PTPRO: variants seen among roughly 807,000 people sequenced by gnomAD.
PTPRO encodes protein tyrosine phosphatase receptor type O, also known as receptor-type tyrosine-protein phosphatase O.
Under a neutral mutation model 145.2 loss-of-function variants are expected in PTPRO, and 62 were observed. The ratio of observed to expected loss-of-function variants is 0.43; its 90% CI spans 0.35 to 0.53. The LOEUF (loss-of-function observed/expected upper bound fraction) is 0.53. Among genes scored for constraint, PTPRO ranks in the 20% least tolerant of loss-of-function variants. PTPRO has a pLI of 0.01. For missense variants in PTPRO, 1,345 were observed against 1,482.7 expected (o/e 0.91, Z 1.53); for synonymous variants, 565 against 514.7 (o/e 1.10, Z -1.32).
intron 1 of PTPRO, among the ~76,000 whole-genome samples, chr12:15,388,624 G>T (rs752762330): frequency 1.1e-4 from 17 of 152,130 alleles, no homozygotes; most frequent in Admixed American, 2.6e-4. Flanking sequence ...CACCATGTGG[G>T]TATTTTTTAT....
chr12:15,528,914 T>C (rs542777157), intron 12 of PTPRO, among the ~76,000 whole-genome samples: 7 of 152,112 alleles, frequency 4.6e-5, no homozygotes, highest in East Asian at 1.9e-4. Flanking sequence ...TCCAGCAAAA[T>C]TGTCCTTCAA....
Position 15,475,735 on chromosome 12 carries a change from A to C in PTPRO, c.76-8239A>C, listed in dbSNP as rs111456032. ...AGGATTCCCCATTCACTAAGCATTT[A>C]ATGAATAAACAGCCACTGACCACCA... On this transcript the variant is annotated intron_variant, in intron 1 of 26. Coordinates refer to ENST00000281171, the MANE Select transcript of PTPRO (RefSeq NM_030667.3). 5.1e-3 allele frequency among the ~76,000 whole-genome samples: 784 copies of C among 152,312 alleles called. 5 individuals carry two copies. The highest frequency in any genetic ancestry group is 0.017 in the African/African-American group (726 of 41,568).
At chr12:15,554,171 A>C (rs965424925) in intron 15 of PTPRO, among the ~76,000 whole-genome samples, 8 of 152,124 alleles carry the variant, frequency 5.3e-5, no homozygotes, top group Non-Finnish European at 1.0e-4. Flanking sequence ...GTGAAACTCC[A>C]TCTCAAAAAA....
chr12:15,440,667 C>G (rs1241863479), intron 1 of PTPRO, among the ~76,000 whole-genome samples: 1 of 152,050 alleles, frequency 6.6e-6, no homozygotes, highest in East Asian at 1.9e-4. Context: ...TCAAAACAAG[C>G]CTGGACAACA....
chr12:15,447,636 T>C (rs914205424), intron 1 of PTPRO, among the ~76,000 whole-genome samples: 1 of 152,182 alleles, frequency 6.6e-6, no homozygotes, highest in African/African-American at 2.4e-5. Context: ...GATGGATGCA[T>C]TCAAACATAG....
intron 25 of PTPRO, among the ~76,000 whole-genome samples, chr12:15,593,660 A>G (rs1001120694): frequency 2.4e-4 from 37 of 152,188 alleles, no homozygotes; most frequent in African/African-American, 8.2e-4. Flanking sequence ...ACTATTGCAT[A>G]CTTAAACCAA....
At chr12:15,505,786 C>T (rs1302554347) in intron 6 of PTPRO, among the ~76,000 whole-genome samples, 2 of 152,172 alleles carry the variant, frequency 1.3e-5, no homozygotes, top group African/African-American at 4.8e-5. Context: ...TTTTTCCTGA[C>T]CAAACTGTTT....
chr12:15,523,995 T>C (rs1942783002), intron 10 of PTPRO, among the ~76,000 whole-genome samples: 1 of 151,726 alleles, frequency 6.6e-6, no homozygotes, highest in Admixed American at 6.6e-5. Flanking sequence ...GATGGGGTTT[T>C]GCTATGTTGC....
At chr12:15,562,381 GAAC>G (rs1388845757) in intron 17 of PTPRO, among the ~76,000 whole-genome samples, 1 of 152,004 alleles carries the variant, frequency 6.6e-6, no homozygotes, top group African/African-American at 2.4e-5. Flanking sequence ...CCTACCCTGT[GAAC>G]AACAGCTGCA....
intron 25 of PTPRO, among the ~76,000 whole-genome samples, chr12:15,594,704 GA>G (rs1318125549): frequency 2.6e-5 from 4 of 151,738 alleles, no homozygotes; most frequent in Non-Finnish European, 4.4e-5. Context: ...AAAGTTAGGG[GA>G]AAAAAATTCC....
At chr12:15,360,544 A>G (rs1352453326) in intron 1 of PTPRO, among the ~76,000 whole-genome samples, 1 of 151,994 alleles carries the variant, frequency 6.6e-6, no homozygotes, top group East Asian at 1.9e-4. Flanking sequence ...GGGACTCAGC[A>G]CCCAAGTACG....
intron 1 of PTPRO, among the ~76,000 whole-genome samples, chr12:15,459,348 T>G (rs1008586957): frequency 6.6e-6 from 1 of 152,190 alleles, no homozygotes; most frequent in African/African-American, 2.4e-5. Flanking sequence ...TCATTTGCAC[T>G]CTGAGACAGG....
chr12:15,357,156 G>A (rs1181458175), intron 1 of PTPRO, among the ~76,000 whole-genome samples: 1 of 152,248 alleles, frequency 6.6e-6, no homozygotes, highest in Non-Finnish European at 1.5e-5. Flanking sequence ...CAGCTCTGCT[G>A]CTGAAATACA....
chr12:15,528,700 A>C (rs1449810406), intron 12 of PTPRO, among the ~76,000 whole-genome samples: 1 of 152,068 alleles, frequency 6.6e-6, no homozygotes, highest in East Asian at 1.9e-4. Context: ...AACAGATACC[A>C]CTCAAATAAA....
chr12:15,456,017 G>A (rs140500298), intron 1 of PTPRO, among the ~76,000 whole-genome samples: 4 of 152,232 alleles, frequency 2.6e-5, no homozygotes, highest in East Asian at 1.9e-4. Context: ...TAAAAAGAAG[G>A]GTGGTAAAAG....
chr12:15,471,992 T>C (rs1050229082), intron 1 of PTPRO, among the ~76,000 whole-genome samples: 5 of 152,198 alleles, frequency 3.3e-5, no homozygotes, highest in African/African-American at 4.8e-5. Flanking sequence ...ACAGGATGTT[T>C]AGTGGATGCA....
chr12:15,517,129 CA>C, intron 9 of PTPRO, 173 bp downstream of exon 9: 1 of 714,982 alleles, frequency 1.4e-6, no homozygotes, highest in Non-Finnish European at 2.4e-6. Flanking sequence ...GAGCAATTTA[CA>C]AAAGAAAGAA....
chr12:15,380,585 T>C (rs1008781551), intron 1 of PTPRO, among the ~76,000 whole-genome samples: 1 of 152,142 alleles, frequency 6.6e-6, no homozygotes, highest in Non-Finnish European at 1.5e-5. Context: ...CATTTGCTTG[T>C]TCAGAAAAAT....
chr12:15,579,986 A>T, intron 20 of PTPRO, 53 bp from the exon 21 acceptor site: 2 of 1,440,596 alleles, frequency 1.4e-6, no homozygotes, highest in Admixed American at 1.7e-5. Context: ...GGGCCAAAAT[A>T]ATTTTTCCTT....
Sources: gnomAD v4.1 joint callset for allele counts (sites outside exome capture counted in the v4.1 genomes callset) on GRCh38, gnomAD v4.1.1 for gene constraint, MANE v1.5 for transcripts, NCBI Gene and HGNC (gene_info 2026-07-23, HGNC 2026-07-21) for gene names.